The following SLC36A1 variants were observed in gnomAD, a reference collection of about 807,000 sequenced individuals.
The protein encoded by SLC36A1 is solute carrier family 36 member 1, also known as proton-coupled amino acid transporter 1.
In SLC36A1, 30 loss-of-function variants were observed where a neutral mutation model predicts 47.5. That is an observed-to-expected ratio of 0.63 (90% CI 0.47 to 0.86). The LOEUF is 0.86. SLC36A1 is among the 40% of genes least tolerant of loss of function. SLC36A1 has a pLI of 0.00. For synonymous variants in SLC36A1, 255 were observed against 249.7 expected (o/e 1.02, Z -0.20); for missense variants, 517 against 606.0 (o/e 0.85, Z 1.54).
the SLC36A1 span, among the ~76,000 whole-genome samples, chr5:151,373,888 C>T: frequency 6.6e-6 from 1 of 152,174 alleles, no homozygotes; most frequent in Non-Finnish European, 1.5e-5. Context: ...GTATGAGCCA[C>T]TGTGCTCAGC....
chr5:151,458,810 T>G lies in SLC36A1; in HGVS notation c.18T>G (p.Leu6=). The G allele has an allele frequency of 6.2e-7, 1 of 1,613,978 alleles. No individual in the cohort carries two copies. The highest frequency in any genetic ancestry group is 8.5e-7 in the Non-Finnish European group (1 of 1,179,916). The part of the protein sequence containing the change: MSTQR[L]RNEDYHDYSS... ...CAGCTGCCATGTCCACGCAGAGACT[T>G]CGGAATGAAGACTACCACGACTACA... Residue 6 remains leucine (L), a synonymous_variant, in exon 2 of 11, where the codon CTT becomes CTG. Transcript: ENST00000243389.
At chr5:151,407,887 A>G in the SLC36A1 span, among the ~76,000 whole-genome samples, 1 of 152,206 alleles carries the variant, frequency 6.6e-6, no homozygotes, top group African/African-American at 2.4e-5. Flanking sequence ...CAGGAAGGCT[A>G]ACAGTGATTA....
the SLC36A1 span, among the ~76,000 whole-genome samples, chr5:151,373,272 A>T: frequency 6.6e-6 from 1 of 152,114 alleles, no homozygotes; most frequent in African/African-American, 2.4e-5. Flanking sequence ...GTCTAAAAAA[A>T]AAGTGCAGAG....
chr5:151,462,974 C>T (rs111885262), intron 2 of SLC36A1, among the ~76,000 whole-genome samples: 14,957 of 151,930 alleles, frequency 0.098, 923 homozygotes, highest in Middle Eastern at 0.15. Flanking sequence ...CTCCCGGGTT[C>T]AAGCAATTCT....
At chr5:151,370,018 C>T in the SLC36A1 span, among the ~76,000 whole-genome samples, 5 of 152,000 alleles carry the variant, frequency 3.3e-5, no homozygotes, top group African/African-American at 1.2e-4. Context: ...CCAGGCTGGT[C>T]TCGAACTCCT....
At chr5:151,429,822 T>C in the SLC36A1 span, among the ~76,000 whole-genome samples, 37 of 152,246 alleles carry the variant, frequency 2.4e-4, no homozygotes, top group East Asian at 7.2e-3. Flanking sequence ...TGAACACACG[T>C]AGAAACAGAC....
the SLC36A1 span, chr5:151,531,621 G>T: frequency 6.2e-7 from 1 of 1,613,194 alleles, no homozygotes; most frequent in Non-Finnish European, 8.5e-7. The surrounding 1 kb of genome is among the most constrained non-coding windows in gnomAD (Gnocchi z 5.7). Flanking sequence ...TGCCTTGCTC[G>T]TTCCCGCTGA....
intron 1 of SLC36A1, among the ~76,000 whole-genome samples, chr5:151,440,092 G>A (rs941988633): frequency 5.7e-4 from 87 of 152,178 alleles, no homozygotes; most frequent in African/African-American, 2.0e-3. Context: ...TGTGAATAAC[G>A]GCATTGCTCT....
the SLC36A1 span, among the ~76,000 whole-genome samples, chr5:151,515,561 C>A: frequency 3.3e-5 from 5 of 152,214 alleles, no homozygotes; most frequent in African/African-American, 9.7e-5. Flanking sequence ...CACCCATACC[C>A]TTCCCCAGGC....
Position 151,488,388 on chromosome 5 carries a change from C to T in SLC36A1, c.*134C>T. ...GTGTGGGAACCCCTCTGCCTGGCACCTGGATACCCTGGGCCAGGTAACCTG... is the reference window on the plus strand; with the variant it reads ...GTGTGGGAACCCCTCTGCCTGGCACTTGGATACCCTGGGCCAGGTAACCTG... On this transcript the variant is annotated 3_prime_UTR_variant, in exon 11 of 11. Transcript: ENST00000243389. 1 of 1,178,376 alleles carries T rather than the reference C, an allele frequency of 8.5e-7. No individual in the cohort carries two copies. The highest frequency in any genetic ancestry group is 1.2e-6 in the Non-Finnish European group (1 of 852,136). The allele number at this position is 1,178,376 out of a possible 1,614,324, so 73.0% of individuals were successfully genotyped here.
At chr5:151,402,343 C>G in the SLC36A1 span, among the ~76,000 whole-genome samples, 1 of 152,082 alleles carries the variant, frequency 6.6e-6, no homozygotes, top group African/African-American at 2.4e-5. Context: ...GGAATAAAGT[C>G]TAGTTGATCC....
chr5:151,505,702 C>G, the SLC36A1 span: 7 of 1,613,938 alleles, frequency 4.3e-6, no homozygotes, highest in Admixed American at 1.2e-4. Context: ...GAGGGCCCAG[C>G]TCGGCTGAGG....
rs376342371 is a variant in SLC36A1 at position 151,467,302 on chromosome 5, AAG to A, written c.504+21_504+22del. ...TAAACAGGTAGGCACCTGGTTAAAAAAGAAAAAAAAAAAAAAAACCAGAGCGA... is the reference window on the plus strand; with the variant it reads ...TAAACAGGTAGGCACCTGGTTAAAAAAAAAAAAAAAAAAAAACCAGAGCGA... On this transcript the variant is annotated intron_variant, in intron 6 of 10. Transcript: ENST00000243389. 4.9e-6 allele frequency: 7 copies of A among 1,423,466 alleles called. No homozygotes were observed. Among genetic ancestry groups the A allele is most frequent in the Admixed American group, 4.5e-5 (2 of 44,896 alleles). 88.2% of individuals were successfully genotyped at this position (1,423,466 alleles called of 1,614,324 possible). A position where few individuals can be genotyped will look rare whatever the true frequency, so the allele number is the denominator to read the frequency against.
At chr5:151,366,420 G>A in the SLC36A1 span, 1 of 191,806 alleles carries the variant, frequency 5.2e-6, no homozygotes, top group South Asian at 8.4e-5. Context: ...TTTGGAAAGA[G>A]GAGAGGTCTT....
chr5:151,378,043 G>A, the SLC36A1 span: 3 of 280,968 alleles, frequency 1.1e-5, no homozygotes, highest in South Asian at 1.1e-4. Flanking sequence ...GGGCTATTAA[G>A]CTGTTGAGCA....
chr5:151,452,994 G>C (rs940531112), intron 1 of SLC36A1, among the ~76,000 whole-genome samples: 9 of 152,072 alleles, frequency 5.9e-5, no homozygotes, highest in Admixed American at 2.0e-4. Flanking sequence ...CTGAGGTCAA[G>C]AGTTTGACAC....
chr5:151,422,620 T>G, the SLC36A1 span, among the ~76,000 whole-genome samples: 1 of 152,026 alleles, frequency 6.6e-6, no homozygotes, highest in Non-Finnish European at 1.5e-5. Context: ...CCCAGCTACT[T>G]GGGAGGCTGA....
chr5:151,358,499 C>A, the SLC36A1 span, among the ~76,000 whole-genome samples: 1 of 152,138 alleles, frequency 6.6e-6, no homozygotes, highest in Non-Finnish European at 1.5e-5. Flanking sequence ...CTGGCCTCCT[C>A]CTGCCTCAGC....
the SLC36A1 span, among the ~76,000 whole-genome samples, chr5:151,369,029 A>G: frequency 6.6e-6 from 1 of 152,258 alleles, no homozygotes; most frequent in African/African-American, 2.4e-5. Flanking sequence ...AAAGCTGACT[A>G]GTATAACCCT....
Sources: allele counts gnomAD v4.1 joint callset (sites outside exome capture counted in the v4.1 genomes callset), GRCh38; gene constraint gnomAD v4.1.1; non-coding constraint Gnocchi (gnomAD v3.1); transcripts MANE v1.5; gene names NCBI Gene and HGNC (gene_info 2026-07-23, HGNC 2026-07-21).